Variants in KCNIP1 observed in about 807,000 individuals in gnomAD.
The protein encoded by KCNIP1 is potassium voltage-gated channel interacting protein 1, also known as A-type potassium channel modulatory protein KCNIP1.
In KCNIP1, 18 loss-of-function variants were observed where a neutral mutation model predicts 33.0. The ratio of observed to expected loss-of-function variants is 0.55; its 90% CI spans 0.38 to 0.81. The LOEUF (loss-of-function observed/expected upper bound fraction) is 0.81, where lower values mean the gene tolerates loss of function less well. Among genes scored for constraint, KCNIP1 ranks in the 30% least tolerant of loss-of-function variants. The pLI is 0.00. For missense variants in KCNIP1, 238 were observed against 271.6 expected (o/e 0.88, Z 0.87); for synonymous variants, 93 against 98.3 (o/e 0.95, Z 0.32).
intron 1 of KCNIP1, among the ~76,000 whole-genome samples, chr5:170,624,306 G>A (rs1759728819): frequency 1.3e-5 from 2 of 152,130 alleles, no homozygotes; most frequent in Non-Finnish European, 2.9e-5. Context: ...TTGAAAAAAG[G>A]AACAGTCTCT....
intron 1 of KCNIP1, among the ~76,000 whole-genome samples, chr5:170,464,580 C>A (rs1349149993): frequency 6.6e-6 from 1 of 152,204 alleles, no homozygotes; most frequent in Non-Finnish European, 1.5e-5. Context: ...TCAAGTGGAA[C>A]CACTGTCTCA....
In KCNIP1 at chr5:170,517,531, TTATTA is replaced by T. The variant is rs562790422; in HGVS notation, c.61+12901_61+12905del. 2.2e-4 allele frequency among the ~76,000 whole-genome samples: 33 copies of T among 152,186 alleles called. No individual in the cohort carries two copies. The South Asian group carries it at 6.9e-3, about 32-fold the overall frequency. ...ATTACAATATTAGTGGTAATGGTGATTATTATAGTATAGGTGATGTTGATTATAAG... is the reference window on the plus strand; with the variant it reads ...ATTACAATATTAGTGGTAATGGTGATTAGTATAGGTGATGTTGATTATAAG... On this transcript the variant is annotated intron_variant, in intron 1 of 7. Coordinates refer to ENST00000328939, the MANE Select transcript of KCNIP1 (RefSeq NM_014592.4).
At position 170,735,954 on chromosome 5, in the gene KCNIP1, T is replaced by C; in HGVS notation, c.*148T>C. The stretch of plus-strand genomic sequence containing the variant: ...TGGAAGAATTCTCTGCTGAAGACTT[T>C]CTATGGAACCCAGCATCATGTGGCT... On this transcript the variant is annotated 3_prime_UTR_variant, in exon 8 of 8. Transcript: ENST00000328939. 1.5e-6 allele frequency: 1 copy of C among 649,404 alleles called. No homozygotes were observed. The highest frequency in any genetic ancestry group is 2.5e-5 in the Admixed American group (1 of 40,496). 40.2% of individuals were successfully genotyped at this position (649,404 alleles called of 1,614,324 possible).
At chr5:170,516,325 A>G (rs1208240916) in intron 1 of KCNIP1, among the ~76,000 whole-genome samples, 1 of 152,136 alleles carries the variant, frequency 6.6e-6, no homozygotes, top group Non-Finnish European at 1.5e-5. Flanking sequence ...ATTACCTTGA[A>G]CTGTTCTATC....
At chr5:170,366,933 G>A (rs887130005) in intron 1 of KCNIP1, among the ~76,000 whole-genome samples, 1 of 152,152 alleles carries the variant, frequency 6.6e-6, no homozygotes, top group African/African-American at 2.4e-5. Context: ...TCTCTCTCTT[G>A]CCTTGGCTCT....
chr5:170,547,377 CTTTTA>C (rs1052069588), intron 1 of KCNIP1, among the ~76,000 whole-genome samples: 36 of 152,064 alleles, frequency 2.4e-4, no homozygotes, highest in African/African-American at 8.0e-4. Flanking sequence ...CTTTTTTTAA[CTTTTA>C]TTTTAAGTTT....
At position 170,662,651 on chromosome 5, in the gene KCNIP1, C is replaced by T. The variant is rs536973847; in HGVS notation, c.62-56107C>T. On this transcript the variant is annotated intron_variant, in intron 1 of 7. Coordinates refer to ENST00000328939, the MANE Select transcript of KCNIP1 (RefSeq NM_014592.4). The stretch of plus-strand genomic sequence containing the variant: ...AGCCCACTTGTCCTGAATCTCAAAG[C>T]CTACTTAAGAGCTTAGGTTCTGTTG... Among the ~76,000 whole-genome samples, 5 of 152,322 alleles carry T rather than the reference C, an allele frequency of 3.3e-5. No homozygotes were observed. The East Asian group carries it at 9.7e-4, about 29-fold the overall frequency.
chr5:170,706,523 T>C (rs572316324), intron 1 of KCNIP1, among the ~76,000 whole-genome samples: 1 of 152,298 alleles, frequency 6.6e-6, no homozygotes, highest in African/African-American at 2.4e-5. Context: ...ACGCTAGCTC[T>C]CTAATCAGAA....
chr5:170,456,483 A>G (rs937679444), intron 1 of KCNIP1, among the ~76,000 whole-genome samples: 1 of 152,048 alleles, frequency 6.6e-6, no homozygotes, highest in East Asian at 1.9e-4. Flanking sequence ...AAATTTTTTT[A>G]AAAAAAGAAA....
chr5:170,565,779 G>A (rs865838188), intron 1 of KCNIP1, among the ~76,000 whole-genome samples: 4 of 152,144 alleles, frequency 2.6e-5, no homozygotes, highest in Non-Finnish European at 4.4e-5. Flanking sequence ...ATTCATCTGC[G>A]AAATGGAAGG....
intron 1 of KCNIP1, among the ~76,000 whole-genome samples, chr5:170,550,070 A>C (rs576057926): frequency 7.8e-4 from 119 of 152,310 alleles, no homozygotes; most frequent in Non-Finnish European, 1.5e-3. Flanking sequence ...AGAAAGAAGT[A>C]GCAAGTGCCT....
intron 1 of KCNIP1, among the ~76,000 whole-genome samples, chr5:170,433,063 T>G (rs1017451446): frequency 6.6e-6 from 1 of 151,896 alleles, no homozygotes; most frequent in Non-Finnish European, 1.5e-5. Context: ...TGGCTCTCAA[T>G]CCAGACACAC....
intron 1 of KCNIP1, among the ~76,000 whole-genome samples, chr5:170,560,741 G>A (rs965649652): frequency 1.3e-5 from 2 of 152,010 alleles, no homozygotes; most frequent in African/African-American, 4.8e-5. Flanking sequence ...GTATGTTTGT[G>A]TCTCTTTCTG....
chr5:170,691,816 C>G (rs1297784802), intron 1 of KCNIP1, among the ~76,000 whole-genome samples: 1 of 152,090 alleles, frequency 6.6e-6, no homozygotes, highest in Non-Finnish European at 1.5e-5. Context: ...CCTCCAGGCA[C>G]CAGTATGCAG....
chr5:170,501,710 T>A (rs544056589), upstream of KCNIP1, among the ~76,000 whole-genome samples: 2 of 152,198 alleles, frequency 1.3e-5, no homozygotes, highest in Admixed American at 6.5e-5. Flanking sequence ...AAGGGGGAAG[T>A]AGCTTGGTGC....
intron 1 of KCNIP1, among the ~76,000 whole-genome samples, chr5:170,539,926 G>A (rs1306626061): frequency 6.6e-6 from 1 of 152,176 alleles, no homozygotes; most frequent in Non-Finnish European, 1.5e-5. Flanking sequence ...AGAACTCAGG[G>A]TAAATAAAAA....
At chr5:170,520,303 T>C (rs1225833490) in intron 1 of KCNIP1, among the ~76,000 whole-genome samples, 2 of 152,180 alleles carry the variant, frequency 1.3e-5, no homozygotes, top group Admixed American at 1.3e-4. Context: ...AGCTGCTAAG[T>C]GCAGGGACAG....
At chr5:170,562,652 T>A (rs1757072543) in intron 1 of KCNIP1, among the ~76,000 whole-genome samples, 1 of 152,190 alleles carries the variant, frequency 6.6e-6, no homozygotes, top group Non-Finnish European at 1.5e-5. Flanking sequence ...GCACGCCGTC[T>A]CTCAGTCCCT....
At chr5:170,693,068 C>T (rs1363616976) in intron 1 of KCNIP1, among the ~76,000 whole-genome samples, 4 of 152,170 alleles carry the variant, frequency 2.6e-5, no homozygotes, top group African/African-American at 7.2e-5. Flanking sequence ...AATTTGGTGT[C>T]CCCACCACTC....
Sources: allele counts gnomAD v4.1 joint callset (sites outside exome capture counted in the v4.1 genomes callset), GRCh38; gene constraint gnomAD v4.1.1; transcripts MANE v1.5; gene names NCBI Gene and HGNC (gene_info 2026-07-23, HGNC 2026-07-21).